Variants in CASKIN1 observed in about 807,000 individuals in gnomAD.
CASKIN1 encodes the protein caskin-1.
CASKIN1 carries 42 observed loss-of-function variants against 117.5 expected under a neutral mutation model. That is an observed-to-expected ratio of 0.36 (90% CI 0.28 to 0.46). The LOEUF (loss-of-function observed/expected upper bound fraction) is 0.46. Ranked by LOEUF, CASKIN1 falls within the 20% of genes least tolerant of loss-of-function variation. The pLI, the probability that CASKIN1 is intolerant of heterozygous loss-of-function variation, is 1.00. For missense variants in CASKIN1, 2,083 were observed against 2,077.3 expected, an observed-to-expected ratio of 1.00 and a Z score of -0.05; for synonymous variants, 1,148 against 961.7, an observed-to-expected ratio of 1.19 and a Z score of -3.59.
chr16:2,189,375 C>G, intron 4 of CASKIN1, 42 bp from the exon 5 acceptor site: 1 of 1,610,352 alleles, frequency 6.2e-7, no homozygotes, highest in Non-Finnish European at 8.5e-7. Flanking sequence ...ATCCTCAGGC[C>G]GCGCTGCCCC....
intron 14 of CASKIN1, among the ~76,000 whole-genome samples, chr16:2,184,329 C>T (rs1013681506): frequency 6.6e-6 from 1 of 152,132 alleles, no homozygotes; most frequent in Admixed American, 6.5e-5. Context: ...CGGGCTGGAC[C>T]GGAAGGTGGG....
Position 2,181,579 on chromosome 16 carries a change from G to A in CASKIN1, c.1789C>T (p.Leu597Phe). The part of the protein sequence containing the change: ...TKLGHQKKLM[L>F]AVRKLAELQK... Reference sequence around the variant, plus strand: ...AGCTCTGCCAGCTTCCTCACAGCGAGCATCAGCTTCTTCTGGTGCCCTGAG... The same window carrying A: ...AGCTCTGCCAGCTTCCTCACAGCGAACATCAGCTTCTTCTGGTGCCCTGAG... Residue 597 changes from leucine to phenylalanine, a missense_variant, in exon 18 of 20, where the codon CTC becomes TTC. This residue lies in a region of CASKIN1 where 1,818 missense variants were observed against 1,688.9 expected (regional missense o/e 1.08). Coordinates refer to ENST00000343516, the MANE Select transcript of CASKIN1 (RefSeq NM_020764.4). The A allele has an allele frequency of 6.4e-7, 1 of 1,567,068 alleles. No homozygotes were observed. Among genetic ancestry groups the A allele is most frequent in the Non-Finnish European group, 8.6e-7 (1 of 1,158,542 alleles).
Position 2,189,529 on chromosome 16 carries a change from G to A in CASKIN1, c.280C>T (p.Arg94Trp), listed in dbSNP as rs760889223. The A allele has an allele frequency of 2.7e-5, 44 of 1,610,970 alleles. No individual in the cohort carries two copies. Among genetic ancestry groups the A allele is most frequent in the South Asian group, 3.3e-5 (3 of 90,984 alleles). ...AGCACCAGCTTCATGGGCTCCTTCC[G>A]GCCCTGCCAGGCCGCATAGTGCAGC... ...RPLHYAAWQG[R>W]KEPMKLVLKA... is the part of the protein sequence containing the mutation. Residue 94 changes from arginine (R) to tryptophan (W), a missense_variant, in exon 4 of 20, where the codon CGG becomes TGG. Transcript: ENST00000343516.
At chr16:2,191,190 G>T (rs977117900) in intron 1 of CASKIN1, among the ~76,000 whole-genome samples, 2 of 152,230 alleles carry the variant, frequency 1.3e-5, no homozygotes, top group African/African-American at 4.8e-5. Flanking sequence ...TCTGAGAGGG[G>T]AGCTGGCAGG....
At chr16:2,188,264 G>A (rs1261638993) in intron 6 of CASKIN1, among the ~76,000 whole-genome samples, 1 of 151,646 alleles carries the variant, frequency 6.6e-6, no homozygotes, top group African/African-American at 2.4e-5. Flanking sequence ...CTGGCTCACT[G>A]CAGCCTCGAC....
In CASKIN1 at chr16:2,196,238, A is replaced by G. The variant is rs1019685421; in HGVS notation, c.94+101T>C. On this transcript the variant is annotated intron_variant, in intron 1 of 19. Coordinates refer to ENST00000343516, the MANE Select transcript of CASKIN1 (RefSeq NM_020764.4). The surrounding 1 kb of genome is among the most constrained non-coding windows in gnomAD (Gnocchi z 5.7). ...TGCTGGCCCCGCCCCGCCCCCGGGG[A>G]CCCGACAACGTCCCCTCCCCGCCCG... The G allele has an allele frequency of 3.3e-5, 9 of 275,830 alleles. No individual in the cohort carries two copies. The highest frequency in any genetic ancestry group is 4.9e-5 in the Non-Finnish European group (8 of 164,624). 17.1% of individuals were successfully genotyped at this position (275,830 alleles called of 1,614,324 possible). A position where few individuals can be genotyped will look rare whatever the true frequency, so the allele number is the denominator to read the frequency against.
In CASKIN1 at chr16:2,180,633, C is replaced by T. The variant is rs925270196; in HGVS notation, c.2735G>A (p.Arg912Gln). The change falls in exon 18 of 20, where the codon CGG becomes CAG. Residue 912 changes from arginine (R) to glutamine (Q), a missense_variant. Transcript: ENST00000343516. ...CACTGAGTGGCTGCGGCCCACGCGC[C>T]GCTGGACCGTGGCATAGGGGCCGGC... Reference protein sequence around the residue: ...AAAGPYATVQRRVGRSHSVRA... With the variant: ...AAAGPYATVQQRVGRSHSVRA... 12 of 1,550,028 alleles carry T rather than the reference C, an allele frequency of 7.7e-6. No individual in the cohort carries two copies. Among genetic ancestry groups the T allele is most frequent in the East Asian group, 4.8e-5 (2 of 41,610 alleles).
intron 3 of CASKIN1, 126 bp from the exon 4 acceptor site, chr16:2,189,690 C>G (rs1205476080): frequency 3.3e-6 from 3 of 912,932 alleles, no homozygotes; most frequent in Non-Finnish European, 4.8e-6. Context: ...GCGCTAGGAG[C>G]TGACTTCTGA....
intron 1 of CASKIN1, among the ~76,000 whole-genome samples, chr16:2,195,217 T>C (rs1454368148): frequency 6.6e-6 from 1 of 152,174 alleles, no homozygotes; most frequent in Non-Finnish European, 1.5e-5. Context: ...GGACAGGAGC[T>C]AGCCAGTCAT....
At position 2,184,807 on chromosome 16, in the gene CASKIN1, G is replaced by A. The variant is rs201976898; in HGVS notation, c.1386C>T (p.Pro462=). The change falls in exon 14 of 20, where the codon CCC becomes CCT. Residue 462 remains proline, a synonymous_variant. Coordinates refer to ENST00000343516, the MANE Select transcript of CASKIN1 (RefSeq NM_020764.4). ...CCTCCGATGCTGGCTCCAGCTTCTT[G>A]GGCGGCTGCTCCCCATAGACCTGCC... ...HAGQVYGEQP[P]KKLEPASEGK... 2.6e-6 allele frequency: 4 copies of A among 1,536,888 alleles called. No individual in the cohort carries two copies. The East Asian group carries it at 9.1e-5, about 35-fold the overall frequency.
In CASKIN1 at chr16:2,185,100, A is replaced by AC. The variant is rs2093179967; in HGVS notation, c.1239+10dup. The stretch of plus-strand genomic sequence containing the variant: ...CCTGGCCACCCTGGCCCTGGCCACT[A>AC]CCCCACCTACCTTGACGCCTTCAGA... On this transcript the variant is annotated intron_variant, in intron 12 of 19. Coordinates refer to ENST00000343516, the MANE Select transcript of CASKIN1 (RefSeq NM_020764.4). The AC allele has an allele frequency of 6.2e-7, 1 of 1,608,370 alleles. No individual in the cohort carries two copies. Among genetic ancestry groups the AC allele is most frequent in the African/African-American group, 1.3e-5 (1 of 74,842 alleles).
rs1461406365 is a variant in CASKIN1, at chr16:2,179,003, C to A, written c.4098G>T (p.Gly1366=). ...PPAPPEGASP[G]DSARQKLEET... is the part of the protein sequence containing the mutation. ...CCTCCAGTTTCTGCCGGGCGCTGTC[C>A]CCTGGCGAGGCGCCTTCGGGCGGGG... Residue 1366 remains glycine, a synonymous_variant, in exon 19 of 20, where the codon GGG becomes GGT. Transcript: ENST00000343516. This position sits in a 1 kb window ranked among gnomAD's most constrained non-coding sequence, Gnocchi z 5.8. 6.4e-6 allele frequency: 8 copies of A among 1,240,338 alleles called. No individual in the cohort carries two copies. Among genetic ancestry groups the A allele is most frequent in the Non-Finnish European group, 7.1e-6 (7 of 989,558 alleles). The allele number at this position is 1,240,338 out of a possible 1,614,324, so 76.8% of individuals were successfully genotyped here.
At position 2,180,469 on chromosome 16, in the gene CASKIN1, C is replaced by T; in HGVS notation, c.2899G>A (p.Val967Met). 3.9e-6 allele frequency: 6 copies of T among 1,552,070 alleles called. No homozygotes were observed. Among genetic ancestry groups the T allele is most frequent in the Non-Finnish European group, 2.6e-6 (3 of 1,155,460 alleles). ...CCATCCTCAGGCTCGGCGTCAGGCA[C>T]CGGCTCATCCGCCAGGTTGGCACTA... The part of the protein sequence containing the change: ...LASANLADEP[V>M]PDAEPEDGLL... Residue 967 changes from valine (V) to methionine (M), a missense_variant, in exon 18 of 20, where the codon GTG becomes ATG. Val to Met is a conservative substitution (Grantham distance 21). Coordinates refer to ENST00000343516, the MANE Select transcript of CASKIN1 (RefSeq NM_020764.4).
intron 1 of CASKIN1, among the ~76,000 whole-genome samples, chr16:2,195,837 G>A (rs1311599485): frequency 1.3e-5 from 2 of 152,150 alleles, no homozygotes; most frequent in Non-Finnish European, 2.9e-5. Context: ...CACCCCCAGC[G>A]TGGTCCTGCC....
Position 2,181,525 on chromosome 16 carries a change from C to T in CASKIN1, c.1843G>A (p.Gly615Arg), listed in dbSNP as rs2141314392. Reference protein sequence around the residue: ...LQKAEYAKYEGGPLRRKAPQS... With the variant: ...LQKAEYAKYERGPLRRKAPQS... ...GGCGCCTTCCGGCGCAGGGGGCCCCCCTCATACTTGGCGTATTCAGCCTTC... is the reference window on the plus strand; with the variant it reads ...GGCGCCTTCCGGCGCAGGGGGCCCCTCTCATACTTGGCGTATTCAGCCTTC... The change falls in exon 18 of 20, where the codon GGG (glycine) becomes AGG (arginine). Residue 615 changes from glycine (G) to arginine (R), a missense_variant. Coordinates refer to ENST00000343516, the MANE Select transcript of CASKIN1 (RefSeq NM_020764.4). 4 of 1,605,254 alleles carry T rather than the reference C, an allele frequency of 2.5e-6. No homozygotes were observed. The highest frequency in any genetic ancestry group is 2.2e-5 in the East Asian group (1 of 44,692).
In CASKIN1 at chr16:2,179,678, G is replaced by T; in HGVS notation, c.3690C>A (p.Pro1230=). Residue 1230 remains proline (P), a synonymous_variant, in exon 18 of 20, where the codon CCC becomes CCA. Coordinates refer to ENST00000343516, the MANE Select transcript of CASKIN1 (RefSeq NM_020764.4). This position sits in a 1 kb window ranked among gnomAD's most constrained non-coding sequence, Gnocchi z 5.8. ...GCTTGGGCACAGGCTGCGTCAGGAC[G>T]GGCTTGGGAGAGACAGGCGGCTTGG... ...KPAKPPVSPK[P]VLTQPVPKLQ... 1 of 1,522,030 alleles carries T rather than the reference G, an allele frequency of 6.6e-7. No homozygotes were observed. Among genetic ancestry groups the T allele is most frequent in the Non-Finnish European group, 8.8e-7 (1 of 1,141,378 alleles). 94.3% of individuals were successfully genotyped at this position (1,522,030 alleles called of 1,614,324 possible).
In CASKIN1 at chr16:2,196,464, G is replaced by T; in HGVS notation, c.-32C>A. ...GCCGGGGCCGCAGCGACGCGGCTGC[G>T]CTCGTGAGCTCGGCGCGGCTCAGAG... On this transcript the variant is annotated 5_prime_UTR_variant, in exon 1 of 20. Transcript: ENST00000343516. The surrounding 1 kb of genome is among the most constrained non-coding windows in gnomAD (Gnocchi z 5.7). The T allele has an allele frequency of 9.1e-7, 1 of 1,103,740 alleles. No individual in the cohort carries two copies. Among genetic ancestry groups the T allele is most frequent in the Non-Finnish European group, 1.1e-6 (1 of 895,668 alleles). 68.4% of individuals were successfully genotyped at this position (1,103,740 alleles called of 1,614,324 possible).
In CASKIN1 at chr16:2,196,408, G is replaced by C. The variant is rs1251399504; in HGVS notation, c.25C>G (p.Gln9Glu). 1 of 1,362,146 alleles carries C rather than the reference G, an allele frequency of 7.3e-7. No individual in the cohort carries two copies. Among genetic ancestry groups the C allele is most frequent in the South Asian group, 1.4e-5 (1 of 70,946 alleles). 84.4% of individuals were successfully genotyped at this position (1,362,146 alleles called of 1,614,324 possible). MGKEQELV[Q>E]AVKAEDVGTA... ...CCTACGTCCTCCGCCTTCACCGCCT[G>C]CACCAGCTCCTGCTCCTTCCCCATG... Residue 9 changes from glutamine to glutamate, a missense_variant, in exon 1 of 20, where the codon CAG (glutamine) becomes GAG (glutamate). Around this residue, in one of 3 missense-constraint regions of CASKIN1, gnomAD observed 62 missense variants for 49.7 expected, o/e 1.25. Transcript: ENST00000343516. This position sits in a 1 kb window ranked among gnomAD's most constrained non-coding sequence, Gnocchi z 5.7.
At position 2,190,187 on chromosome 16, in the gene CASKIN1, A is replaced by G; in HGVS notation, c.147-17T>C. 1 of 1,612,526 alleles carries G rather than the reference A, an allele frequency of 6.2e-7. No homozygotes were observed. The highest frequency in any genetic ancestry group is 8.5e-7 in the Non-Finnish European group (1 of 1,179,620). On this transcript the variant is annotated splice_polypyrimidine_tract_variant and intron_variant, in intron 2 of 19. Coordinates refer to ENST00000343516, the MANE Select transcript of CASKIN1 (RefSeq NM_020764.4). The stretch of plus-strand genomic sequence containing the variant: ...GCCGAGAAGCTGGCACGTGCAGAGG[A>G]CACATAGAGCAGAGGCCCTGGCGCC...
Sources: allele counts gnomAD v4.1 joint callset (sites outside exome capture counted in the v4.1 genomes callset), GRCh38; gene constraint gnomAD v4.1.1; regional missense constraint gnomAD v4.1.1; non-coding constraint Gnocchi (gnomAD v3.1); transcripts MANE v1.5; gene names NCBI Gene and HGNC (gene_info 2026-07-23, HGNC 2026-07-21).